ASZ1: variants seen among roughly 807,000 people sequenced by gnomAD.
The protein encoded by ASZ1 is ankyrin repeat, SAM and basic leucine zipper domain-containing protein 1.
In ASZ1, 67 loss-of-function variants were observed where a neutral mutation model predicts 61.8. That is an observed-to-expected ratio of 1.08 (90% CI 0.89 to 1.33). ASZ1 has a LOEUF of 1.33. Ranked by LOEUF, ASZ1 falls within the 40% of genes most tolerant of loss-of-function variation. The pLI is 0.00. For synonymous variants in ASZ1, 193 were observed against 192.7 expected, an observed-to-expected ratio of 1.00 and a Z score of -0.01; for missense variants, 577 against 554.5, an observed-to-expected ratio of 1.04 and a Z score of -0.41.
intron 10 of ASZ1, among the ~76,000 whole-genome samples, chr7:117,379,421 ATAT>A (rs1309989257): frequency 6.6e-6 from 1 of 151,634 alleles, no homozygotes; most frequent in East Asian, 1.9e-4. Context: ...ATAAAATCAA[ATAT>A]TATTTTCAAA....
intron 4 of ASZ1, among the ~76,000 whole-genome samples, chr7:117,416,080 T>A (rs1242353813): frequency 6.6e-6 from 1 of 152,054 alleles, no homozygotes; most frequent in African/African-American, 2.4e-5. Context: ...GCCTAGCTAC[T>A]TGGGAGGCTG....
At chr7:117,367,226 G>A in intron 12 of ASZ1, 126 bp downstream of exon 12, 1 of 686,140 alleles carries the variant, frequency 1.5e-6, no homozygotes. Flanking sequence ...TTTGGAAACT[G>A]TCCTTTTTCC....
chr7:117,414,149 C>T (rs865816354), intron 4 of ASZ1, among the ~76,000 whole-genome samples: 4 of 151,990 alleles, frequency 2.6e-5, no homozygotes, highest in East Asian at 1.9e-4. Flanking sequence ...TTTGAAGAAA[C>T]GATAGATGAG....
At chr7:117,408,711 T>C (rs75331821) in intron 4 of ASZ1, among the ~76,000 whole-genome samples, 4 of 151,968 alleles carry the variant, frequency 2.6e-5, no homozygotes, top group Non-Finnish European at 5.9e-5. Flanking sequence ...ACACAAAACA[T>C]AGGTTCTCAA....
Position 117,407,313 on chromosome 7 carries a change from G to C in ASZ1, c.440+12850C>G, listed in dbSNP as rs1051483556. On this transcript the variant is annotated intron_variant, in intron 4 of 12. Coordinates refer to ENST00000284629, the MANE Select transcript of ASZ1 (RefSeq NM_130768.3). ...CATACAAAGGGGTACACTTCATAAA[G>C]GTAAAAGGTCAATGCATCAGGGATA... 7.9e-5 allele frequency among the ~76,000 whole-genome samples: 12 copies of C among 151,846 alleles called. No homozygotes were observed. The East Asian group carries it at 1.4e-3, about 17-fold the overall frequency.
chr7:117,371,101 A>G (rs1469933710), intron 10 of ASZ1, among the ~76,000 whole-genome samples: 3 of 152,156 alleles, frequency 2.0e-5, no homozygotes, highest in African/African-American at 7.2e-5. Flanking sequence ...CTAACATTAT[A>G]GGCGTGAGCC....
At chr7:117,399,779 T>A (rs1447259377) in intron 4 of ASZ1, among the ~76,000 whole-genome samples, 1 of 152,184 alleles carries the variant, frequency 6.6e-6, no homozygotes, top group African/African-American at 2.4e-5. Flanking sequence ...CAAAATTAGA[T>A]AATGGTGATG....
intron 4 of ASZ1, among the ~76,000 whole-genome samples, chr7:117,408,363 C>T (rs1332873156): frequency 2.0e-5 from 3 of 152,094 alleles, no homozygotes; most frequent in Non-Finnish European, 2.9e-5. Context: ...AAGATCACCC[C>T]TATCATTCAA....
intron 10 of ASZ1, among the ~76,000 whole-genome samples, chr7:117,375,849 A>G (rs543892031): frequency 6.6e-6 from 1 of 152,246 alleles, no homozygotes; most frequent in African/African-American, 2.4e-5. Flanking sequence ...AGGGAAATGT[A>G]AAAGACTAAA....
chr7:117,390,417 G>T (rs752633030), intron 4 of ASZ1, among the ~76,000 whole-genome samples: 1 of 152,056 alleles, frequency 6.6e-6, no homozygotes, highest in Non-Finnish European at 1.5e-5. Flanking sequence ...GAGCCTCCCA[G>T]CTAGGCCTCC....
At chr7:117,422,420 C>T (rs1386867032) in intron 2 of ASZ1, 61 bp from the exon 3 acceptor site, 2 of 1,557,500 alleles carry the variant, frequency 1.3e-6, no homozygotes, top group Non-Finnish European at 1.7e-6. Flanking sequence ...AATCAGTCAC[C>T]TTATATGCTT....
intron 4 of ASZ1, among the ~76,000 whole-genome samples, chr7:117,402,107 A>C (rs1796692772): frequency 6.6e-6 from 1 of 152,138 alleles, no homozygotes; most frequent in Non-Finnish European, 1.5e-5. Context: ...TACTGTACTG[A>C]AGGTTTTTCT....
intron 4 of ASZ1, among the ~76,000 whole-genome samples, chr7:117,404,602 T>C (rs1307306246): frequency 6.6e-6 from 1 of 152,104 alleles, no homozygotes; most frequent in Non-Finnish European, 1.5e-5. Flanking sequence ...AGAATTCTCT[T>C]TTATTCTGGC....
intron 7 of ASZ1, among the ~76,000 whole-genome samples, chr7:117,382,367 C>T (rs1176450309): frequency 6.6e-6 from 1 of 151,850 alleles, no homozygotes; most frequent in Non-Finnish European, 1.5e-5. Flanking sequence ...AAATATATGC[C>T]AGTATGTACT....
intron 4 of ASZ1, among the ~76,000 whole-genome samples, chr7:117,387,358 AC>A (rs1796380701): frequency 6.6e-6 from 1 of 151,450 alleles, no homozygotes; most frequent in Admixed American, 6.6e-5. Flanking sequence ...GCCACCCAAA[AC>A]CCCCACATAC....
intron 12 of ASZ1, among the ~76,000 whole-genome samples, chr7:117,366,822 GTACATT>G (rs1035317215): frequency 6.6e-6 from 1 of 152,008 alleles, no homozygotes; most frequent in African/African-American, 2.4e-5. Context: ...TATTTTATCT[GTACATT>G]TACATGTAAG....
intron 10 of ASZ1, among the ~76,000 whole-genome samples, chr7:117,369,708 T>G (rs1562844517): frequency 6.6e-6 from 1 of 152,188 alleles, no homozygotes; most frequent in Non-Finnish European, 1.5e-5. Context: ...CTACGATGAT[T>G]CTCAGTTTTT....
At position 117,386,739 on chromosome 7, in the gene ASZ1, T is replaced by G. The variant is rs1796363544; in HGVS notation, c.441-930A>C. 4.6e-5 allele frequency among the ~76,000 whole-genome samples: 7 copies of G among 152,206 alleles called. No individual in the cohort carries two copies. The South Asian group carries it at 1.4e-3, about 31-fold the overall frequency. ...ATATACAACCTACCAATAGACTATT[T>G]CTCTGTAAGGTTTGTTAGCATAAGG... On this transcript the variant is annotated intron_variant, in intron 4 of 12. Coordinates refer to ENST00000284629, the MANE Select transcript of ASZ1 (RefSeq NM_130768.3).
chr7:117,375,524 G>A (rs964013289), intron 10 of ASZ1, among the ~76,000 whole-genome samples: 1 of 152,042 alleles, frequency 6.6e-6, no homozygotes, highest in South Asian at 2.1e-4. Flanking sequence ...TAATTTTTGA[G>A]AGATTTGCTT....
Sources: gnomAD v4.1 joint callset for allele counts (sites outside exome capture counted in the v4.1 genomes callset) on GRCh38, gnomAD v4.1.1 for gene constraint, MANE v1.5 for transcripts, NCBI Gene and HGNC (gene_info 2026-07-23, HGNC 2026-07-21) for gene names.